Variants in ANKDD1A observed in about 807,000 individuals in gnomAD.
ANKDD1A encodes the protein ankyrin repeat and death domain-containing protein 1A.
Under a neutral mutation model 63.5 loss-of-function variants are expected in ANKDD1A, and 59 were observed. The ratio of observed to expected loss-of-function variants is 0.93; its 90% CI spans 0.75 to 1.15. ANKDD1A has a LOEUF of 1.15. ANKDD1A is among the 50% of genes most tolerant of loss of function. The probability of loss-of-function intolerance (pLI) is 0.00; values close to 1 mark genes in which losing one functional copy is unlikely to be tolerated. For missense variants in ANKDD1A, 632 were observed against 656.4 expected (o/e 0.96, Z 0.41); for synonymous variants, 266 against 263.9 (o/e 1.01, Z -0.08).
At chr15:64,940,292 A>G (rs148512083) in intron 9 of ANKDD1A, among the ~76,000 whole-genome samples, 2 of 152,214 alleles carry the variant, frequency 1.3e-5, no homozygotes, top group Non-Finnish European at 2.9e-5. Context: ...ACTTTTCAGA[A>G]TGGTTAAAAT....
In ANKDD1A at chr15:64,954,617, CTCT is replaced by C. The variant is rs748502675; in HGVS notation, c.1484-2484_1484-2482del. Among the ~76,000 whole-genome samples, 163 of 117,748 alleles carry C rather than the reference CTCT, an allele frequency of 1.4e-3. 2 individuals are homozygous for C. In the South Asian group the frequency reaches 0.019, roughly 13 times the overall value. The allele number at this position is 117,748 out of a possible 152,430, so 77.2% of individuals were successfully genotyped here. On this transcript the variant is annotated intron_variant, in intron 14 of 14. Coordinates refer to ENST00000319580, the MANE Select transcript of ANKDD1A (RefSeq NM_182703.6). Reference sequence around the variant, plus strand: ...TTCTTCTCCTTCTTCCTCCTCCTTCCTCTTTTCTTCTTCCTTTTCTTCTTCCTT... The same window carrying C: ...TTCTTCTCCTTCTTCCTCCTCCTTCCTTTCTTCTTCCTTTTCTTCTTCCTT...
At chr15:64,944,607 C>T (rs961318903) in intron 11 of ANKDD1A, 45 bp from the exon 12 acceptor site, 1 of 1,573,660 alleles carries the variant, frequency 6.4e-7, no homozygotes, top group Non-Finnish European at 8.7e-7. Flanking sequence ...CTTGTGTACC[C>T]CTCCTGTAGA....
chr15:64,952,577 CTT>C (rs2085312884), intron 14 of ANKDD1A, among the ~76,000 whole-genome samples: 1 of 33,566 alleles, frequency 3.0e-5, no homozygotes, highest in African/African-American at 8.2e-5. Context: ...TCTTCTTCTC[CTT>C]CTTTTCTTCT....
intron 9 of ANKDD1A, among the ~76,000 whole-genome samples, chr15:64,935,674 CA>C (rs1298279118): frequency 5.0e-5 from 7 of 138,858 alleles, no homozygotes; most frequent in African/African-American, 8.0e-5. Context: ...GACTCCGCCT[CA>C]AAAAAAAAAG....
chr15:64,926,949 G>C lies in ANKDD1A; in HGVS notation c.520G>C (p.Ala174Pro), dbSNP rs200317955. 1.2e-6 allele frequency: 2 copies of C among 1,614,068 alleles called. No individual in the cohort carries two copies. The highest frequency in any genetic ancestry group is 8.5e-7 in the Non-Finnish European group (1 of 1,180,048). ...GGCAGCTGAGCACGGGCAGCTGGAT[G>C]CTCTGGACTTCCTCGTGGGCTCTGG... Reference protein sequence around the residue: ...HRAAEHGQLDALDFLVGSGCD... With the variant: ...HRAAEHGQLDPLDFLVGSGCD... The change falls in exon 6 of 15, where the codon GCT (alanine) becomes CCT (proline). Residue 174 changes from alanine to proline, a missense_variant. Transcript: ENST00000319580.
At chr15:64,952,842 TCC>T (rs2085322374) in intron 14 of ANKDD1A, among the ~76,000 whole-genome samples, 2 of 50,352 alleles carry the variant, frequency 4.0e-5, no homozygotes, top group Non-Finnish European at 5.2e-5. Context: ...TCCTTTCTTC[TCC>T]TTGTCTCTTC....
chr15:64,951,422 CTTTT>C (rs2085273700), intron 14 of ANKDD1A: 8 of 106,810 alleles, frequency 7.5e-5, no homozygotes, highest in Non-Finnish European at 7.5e-5. Flanking sequence ...TTTTCTTCCT[CTTTT>C]CTTCTTTTTC....
intron 4 of ANKDD1A, among the ~76,000 whole-genome samples, chr15:64,925,546 G>C (rs1475664829): frequency 1.3e-5 from 2 of 152,074 alleles, no homozygotes; most frequent in African/African-American, 4.8e-5. Flanking sequence ...AGGTGAGGAG[G>C]TCACTTCCTA....
Position 64,949,973 on chromosome 15 carries a change from G to GT in ANKDD1A, c.1483+2dup. The GT allele has an allele frequency of 6.2e-7, 1 of 1,609,136 alleles. No individual in the cohort carries two copies. Among genetic ancestry groups the GT allele is most frequent in the Middle Eastern group, 1.7e-4 (1 of 6,006 alleles). On this transcript the variant is annotated splice_donor_variant, in intron 14 of 14. Coordinates refer to ENST00000319580, the MANE Select transcript of ANKDD1A (RefSeq NM_182703.6). LOFTEE classifies it high-confidence loss of function. ...GCCATTGGCAGGAGGGACCTGGCTG[G>GT]TAAGAGCGTACTCTGCTGGGCTGCT...
chr15:64,914,842 C>T (rs1192453395), intron 1 of ANKDD1A, among the ~76,000 whole-genome samples: 5 of 152,224 alleles, frequency 3.3e-5, no homozygotes, highest in South Asian at 2.1e-4. Context: ...CACAGGTGTG[C>T]GTGACAGGGG....
intron 3 of ANKDD1A, among the ~76,000 whole-genome samples, chr15:64,919,004 C>A (rs1298832840): frequency 6.6e-6 from 1 of 151,910 alleles, no homozygotes; most frequent in African/African-American, 2.4e-5. Context: ...TAATAAGTAA[C>A]CTTTTGAAAA....
At chr15:64,953,328 TCTTA>T (rs1386426542) in intron 14 of ANKDD1A, among the ~76,000 whole-genome samples, 2 of 150,696 alleles carry the variant, frequency 1.3e-5, no homozygotes, top group East Asian at 1.9e-4. Context: ...CTTCTTTCCT[TCTTA>T]TTCTTCCTCT....
rs199673755 is a variant in ANKDD1A at position 64,951,316 on chromosome 15, CT to C, written c.1483+1347del. The C allele has an allele frequency of 9.1e-5, 67 of 735,830 alleles. 1 individual carries two copies. Among genetic ancestry groups the C allele is most frequent in the South Asian group, 8.0e-4 (12 of 15,084 alleles). The allele number at this position is 735,830 out of a possible 1,614,324, so 45.6% of individuals were successfully genotyped here. A position where few individuals can be genotyped will look rare whatever the true frequency, so the allele number is the denominator to read the frequency against. ...TTCTTCTTCTTCTTCTCTTCTTCTTCTTTCTTCTTTCCTCTTTTTCTTTCTT... is the reference window on the plus strand; with the variant it reads ...TTCTTCTTCTTCTTCTCTTCTTCTTCTTCTTCTTTCCTCTTTTTCTTTCTT... On this transcript the variant is annotated intron_variant, in intron 14 of 14. Coordinates refer to ENST00000319580, the MANE Select transcript of ANKDD1A (RefSeq NM_182703.6).
In ANKDD1A at chr15:64,926,173, G is replaced by A. The variant is rs755348573; in HGVS notation, c.471+3G>A. On this transcript the variant is annotated splice_donor_region_variant and intron_variant, in intron 5 of 14. Transcript: ENST00000319580. ...TGGCCCTGGACCACGTAGACAAGGT[G>A]AGAGTGCCTCAGGGCTACTCATCAT... 1 of 1,613,490 alleles carries A rather than the reference G, an allele frequency of 6.2e-7. No homozygotes were observed. Among genetic ancestry groups the A allele is most frequent in the South Asian group, 1.1e-5 (1 of 90,948 alleles).
chr15:64,911,957 C>G lies in ANKDD1A; in HGVS notation c.27C>G (p.Thr9=), dbSNP rs925710103. The G allele has an allele frequency of 7.2e-6, 9 of 1,244,042 alleles. No homozygotes were observed. Among genetic ancestry groups the G allele is most frequent in the Non-Finnish European group, 8.1e-6 (8 of 987,850 alleles). The allele number at this position is 1,244,042 out of a possible 1,614,324, so 77.1% of individuals were successfully genotyped here. A position where few individuals can be genotyped will look rare whatever the true frequency, so the allele number is the denominator to read the frequency against. The part of the protein sequence containing the change: MQEELAWE[T]DGLLPLERQL... ...TGCAGGAGGAGCTGGCGTGGGAGAC[C>G]GACGGCCGTGAGTCTGCCTGGAGGA... Residue 9 remains threonine, a synonymous_variant, in exon 1 of 15, where the codon ACC becomes ACG. Transcript: ENST00000319580.
chr15:64,954,352 TCTC>T (rs1191102969), intron 14 of ANKDD1A, among the ~76,000 whole-genome samples: 7 of 96,348 alleles, frequency 7.3e-5, no homozygotes, highest in African/African-American at 3.2e-4. Flanking sequence ...CTCTCCTTCT[TCTC>T]TTCTTCTCCT....
chr15:64,953,543 T>TTCCTTCTCCTTTTCTTCG (rs2085345381), intron 14 of ANKDD1A, among the ~76,000 whole-genome samples: 2 of 143,910 alleles, frequency 1.4e-5, no homozygotes, highest in African/African-American at 2.5e-5. Context: ...CCTCTCCTTC[T>TTCCTTCTCCTTTTCTTCG]TCCTTCTCCT....
chr15:64,954,627 C>A (rs2085392421), intron 14 of ANKDD1A, among the ~76,000 whole-genome samples: 1 of 30,978 alleles, frequency 3.2e-5, no homozygotes, highest in Admixed American at 5.4e-4. Context: ...CTCTTTTCTT[C>A]TTCCTTTTCT....
chr15:64,953,696 TTC>T (rs1212153652), intron 14 of ANKDD1A, among the ~76,000 whole-genome samples: 4 of 77,852 alleles, frequency 5.1e-5, no homozygotes, highest in Non-Finnish European at 1.2e-4. Context: ...TTCTCCCTTC[TTC>T]TTTCTTCTTC....
Sources: allele counts gnomAD v4.1 joint callset (sites outside exome capture counted in the v4.1 genomes callset), GRCh38; gene constraint gnomAD v4.1.1; transcripts MANE v1.5; gene names NCBI Gene and HGNC (gene_info 2026-07-23, HGNC 2026-07-21).